Variants in NIBAN1 observed in about 807,000 individuals in gnomAD.
NIBAN1 encodes the protein niban apoptosis regulator 1.
In NIBAN1, 81 loss-of-function variants were observed where a neutral mutation model predicts 75.1. The observed-to-expected ratio is 1.08, with a 90% CI of 0.90 to 1.30. The LOEUF (loss-of-function observed/expected upper bound fraction) is 1.30. Among genes scored for constraint, NIBAN1 ranks in the 50% most tolerant of loss-of-function variants. The probability of loss-of-function intolerance (pLI) is 0.00; values close to 1 mark genes in which losing one functional copy is unlikely to be tolerated. For synonymous variants in NIBAN1, 436 were observed against 424.8 expected, an observed-to-expected ratio of 1.03 and a Z score of -0.32; for missense variants, 1,133 against 1,128.1, an observed-to-expected ratio of 1.00 and a Z score of -0.06.
At chr1:184,844,375 C>T (rs561842287) in intron 5 of NIBAN1, among the ~76,000 whole-genome samples, 6 of 152,298 alleles carry the variant, frequency 3.9e-5, no homozygotes, top group South Asian at 4.1e-4. Flanking sequence ...TCTGATGATG[C>T]TATCTGGGAA....
intron 1 of NIBAN1, among the ~76,000 whole-genome samples, chr1:184,937,844 T>C (rs1439997100): frequency 6.6e-6 from 1 of 152,148 alleles, no homozygotes; most frequent in Non-Finnish European, 1.5e-5. Context: ...CTTAAACAGC[T>C]ACGTGAGAAG....
intron 5 of NIBAN1, among the ~76,000 whole-genome samples, chr1:184,872,582 C>T (rs563351295): frequency 1.3e-3 from 196 of 152,208 alleles, no homozygotes; most frequent in African/African-American, 4.4e-3. Context: ...TGGTATACCC[C>T]TGTAATCCTA....
At chr1:184,892,556 C>A (rs1656696078) in intron 3 of NIBAN1, among the ~76,000 whole-genome samples, 1 of 152,068 alleles carries the variant, frequency 6.6e-6, no homozygotes. Flanking sequence ...TATTGATAAG[C>A]AGAGAAAATA....
intron 6 of NIBAN1, among the ~76,000 whole-genome samples, chr1:184,827,213 G>A (rs1312778098): frequency 1.3e-5 from 2 of 152,014 alleles, no homozygotes; most frequent in Non-Finnish European, 2.9e-5. Flanking sequence ...TCAGCAGCAT[G>A]AAAACGGACT....
chr1:184,844,723 T>C (rs1432680260), intron 5 of NIBAN1, among the ~76,000 whole-genome samples: 3 of 152,212 alleles, frequency 2.0e-5, no homozygotes, highest in Non-Finnish European at 4.4e-5. Flanking sequence ...TACCCTTGTC[T>C]AGGACAATAC....
intron 4 of NIBAN1, among the ~76,000 whole-genome samples, chr1:184,887,063 G>C (rs659222): frequency 0.36 from 55,256 of 151,646 alleles, 10,976 homozygotes; most frequent in South Asian, 0.5. Flanking sequence ...AGAGGTTGCA[G>C]TGAGCCGAGA....
Position 184,880,121 on chromosome 1 carries a change from A to G in NIBAN1, c.601+4512T>C, listed in dbSNP as rs570235904. Among the ~76,000 whole-genome samples, 5 of 152,370 alleles carry G rather than the reference A, an allele frequency of 3.3e-5. No homozygotes were observed. The East Asian group carries it at 5.8e-4, about 18-fold the overall frequency. ...CAGCACTGTTGAACAAAACTTTGCCAGCATTACACCTCCTTTCCAGAATCA... is the reference window on the plus strand; with the variant it reads ...CAGCACTGTTGAACAAAACTTTGCCGGCATTACACCTCCTTTCCAGAATCA... On this transcript the variant is annotated intron_variant, in intron 5 of 13. Coordinates refer to ENST00000367511, the MANE Select transcript of NIBAN1 (RefSeq NM_052966.4).
At chr1:184,909,647 A>T (rs1292827545) in intron 1 of NIBAN1, among the ~76,000 whole-genome samples, 1 of 152,174 alleles carries the variant, frequency 6.6e-6, no homozygotes, top group Non-Finnish European at 1.5e-5. Flanking sequence ...CACTAGTGAA[A>T]ATTACTTTAG....
intron 6 of NIBAN1, among the ~76,000 whole-genome samples, chr1:184,830,404 C>T (rs1240051687): frequency 6.6e-6 from 1 of 151,954 alleles, no homozygotes; most frequent in Non-Finnish European, 1.5e-5. Context: ...CTGTGCTTCC[C>T]CAAAATATCA....
intron 5 of NIBAN1, among the ~76,000 whole-genome samples, chr1:184,877,283 A>C (rs912442337): frequency 3.9e-5 from 6 of 152,188 alleles, no homozygotes; most frequent in African/African-American, 1.4e-4. Flanking sequence ...AGTTAAAAAC[A>C]CACAAAATGA....
At chr1:184,859,900 G>C (rs1655772425) in intron 5 of NIBAN1, among the ~76,000 whole-genome samples, 1 of 152,170 alleles carries the variant, frequency 6.6e-6, no homozygotes, top group Non-Finnish European at 1.5e-5. Context: ...GCGGACAGCT[G>C]ATGAGGGTGT....
At chr1:184,941,606 C>T (rs894589867) in intron 1 of NIBAN1, among the ~76,000 whole-genome samples, 5 of 148,262 alleles carry the variant, frequency 3.4e-5, no homozygotes, top group African/African-American at 1.3e-4. Context: ...GCTAAGATCG[C>T]ACCACTGCAC....
At chr1:184,917,035 C>T (rs183273170) in intron 1 of NIBAN1, among the ~76,000 whole-genome samples, 25 of 152,306 alleles carry the variant, frequency 1.6e-4, no homozygotes, top group Admixed American at 5.9e-4. Context: ...AGCCACGGAT[C>T]AACCCACCTG....
chr1:184,872,576 A>G (rs1340666980), intron 5 of NIBAN1, among the ~76,000 whole-genome samples: 1 of 151,960 alleles, frequency 6.6e-6, no homozygotes, highest in African/African-American at 2.4e-5. Context: ...GCATGGTGGT[A>G]TACCCCTGTA....
rs1245489213 is a variant in NIBAN1 at position 184,793,094 on chromosome 1, T to A, written c.*1883A>T. On this transcript the variant is annotated 3_prime_UTR_variant, in exon 14 of 14. Coordinates refer to ENST00000367511, the MANE Select transcript of NIBAN1 (RefSeq NM_052966.4). ...ATATTATACATATACTGAGTATTAT[T>A]CATGTTTATGACCTAGAAATTCTTC... 1 of 152,204 alleles carries A rather than the reference T, an allele frequency of 6.6e-6. No homozygotes were observed. Among genetic ancestry groups the A allele is most frequent in the East Asian group, 1.9e-4 (1 of 5,196 alleles). 9.4% of individuals were successfully genotyped at this position (152,204 alleles called of 1,614,324 possible).
chr1:184,920,316 T>C (rs1178420885), intron 1 of NIBAN1, among the ~76,000 whole-genome samples: 1 of 152,206 alleles, frequency 6.6e-6, no homozygotes, highest in East Asian at 1.9e-4. Flanking sequence ...ATTTTGATAT[T>C]TGCAATGTGT....
At chr1:184,927,522 G>A (rs1158852256) in intron 1 of NIBAN1, among the ~76,000 whole-genome samples, 4 of 152,106 alleles carry the variant, frequency 2.6e-5, no homozygotes, top group African/African-American at 9.7e-5. Context: ...CTTTCTCTGT[G>A]TTGAGCTGCC....
rs191799103 is a variant in NIBAN1 at position 184,923,995 on chromosome 1, A to G, written c.56-24686T>C. On this transcript the variant is annotated intron_variant, in intron 1 of 13. Transcript: ENST00000367511. ...TTTGGTAGAGTCTTCATATTTTTCTAAAGATAAGATCATGTCATCTACAAA... is the reference window on the plus strand; with the variant it reads ...TTTGGTAGAGTCTTCATATTTTTCTGAAGATAAGATCATGTCATCTACAAA... Among the ~76,000 whole-genome samples, 276 of 149,076 alleles carry G rather than the reference A, an allele frequency of 1.9e-3. 1 individual carries two copies. Among genetic ancestry groups the G allele is most frequent in the African/African-American group, 6.6e-3 (269 of 40,472 alleles).
intron 1 of NIBAN1, among the ~76,000 whole-genome samples, chr1:184,951,702 C>A (rs898913942): frequency 6.6e-6 from 1 of 152,176 alleles, no homozygotes; most frequent in Non-Finnish European, 1.5e-5. Context: ...CCTTGTCCCC[C>A]CTACAGTCTA....
Sources: allele counts gnomAD v4.1 joint callset (sites outside exome capture counted in the v4.1 genomes callset), GRCh38; gene constraint gnomAD v4.1.1; transcripts MANE v1.5; gene names NCBI Gene and HGNC (gene_info 2026-07-23, HGNC 2026-07-21).